DYRK1A: variants seen among roughly 807,000 people sequenced by gnomAD.
DYRK1A encodes the protein dual specificity tyrosine-phosphorylation-regulated kinase 1A.
DYRK1A carries 9 observed loss-of-function variants against 79.7 expected under a neutral mutation model. The observed-to-expected ratio is 0.11, with a 90% CI of 0.07 to 0.20. The LOEUF (loss-of-function observed/expected upper bound fraction) is 0.20, where lower values mean the gene tolerates loss of function less well. DYRK1A is among the 10% of genes least tolerant of loss of function. DYRK1A has a pLI of 1.00. For missense variants in DYRK1A, 622 were observed against 956.0 expected (o/e 0.65, Z 4.61); for synonymous variants, 349 against 329.7 (o/e 1.06, Z -0.63).
At chr21:37,422,370 A>G (rs1051562981) in intron 2 of DYRK1A, among the ~76,000 whole-genome samples, 4 of 152,190 alleles carry the variant, frequency 2.6e-5, no homozygotes, top group African/African-American at 4.8e-5. Context: ...CTATGCACAC[A>G]TTTATTCGAC....
At position 37,524,383 on chromosome 21, in the gene DYRK1A, A is replaced by G. The variant is rs963592764; in HGVS notation, c.*11852A>G. On this transcript the variant is annotated 3_prime_UTR_variant, in exon 12 of 12. Transcript: ENST00000647188. ...AAAATTAGAAAATTTAAAATTGAAT[A>G]TCTCATCACAGAATTTATTCACAAA... 6.6e-5 allele frequency: 10 copies of G among 152,378 alleles called. No homozygotes were observed. Among genetic ancestry groups the G allele is most frequent in the Middle Eastern group, 3.4e-3 (1 of 294 alleles). The allele number at this position is 152,378 out of a possible 1,614,324, so 9.4% of individuals were successfully genotyped here. A position where few individuals can be genotyped will look rare whatever the true frequency, so the allele number is the denominator to read the frequency against.
chr21:37,427,811 A>G (rs955771772), intron 2 of DYRK1A, among the ~76,000 whole-genome samples: 5 of 152,236 alleles, frequency 3.3e-5, no homozygotes, highest in African/African-American at 9.6e-5. Flanking sequence ...TAGACAAAAC[A>G]TAACTCAATA....
intron 2 of DYRK1A, among the ~76,000 whole-genome samples, chr21:37,452,379 G>A (rs186544760): frequency 1.3e-5 from 2 of 152,048 alleles, no homozygotes; most frequent in African/African-American, 4.8e-5. Flanking sequence ...TGGGGAGGTG[G>A]AAGTAAGAGA....
In DYRK1A at chr21:37,472,769, A is replaced by G. The variant is rs201180170; in HGVS notation, c.96A>G (p.Gly32=). 5 of 1,613,278 alleles carry G rather than the reference A, an allele frequency of 3.1e-6. No homozygotes were observed. The highest frequency in any genetic ancestry group is 2.5e-6 in the Non-Finnish European group (3 of 1,179,374). The part of the protein sequence containing the change: ...SFHAAGLQMA[G]QMPHSHQYSD... ...ATGCTGCTGGCCTTCAGATGGCTGGACAGATGCCCCATTCACATCAGTACA... is the reference window on the plus strand; with the variant it reads ...ATGCTGCTGGCCTTCAGATGGCTGGGCAGATGCCCCATTCACATCAGTACA... Residue 32 remains glycine (G), a synonymous_variant, in exon 3 of 12, where the codon GGA becomes GGG. Coordinates refer to ENST00000647188, the MANE Select transcript of DYRK1A (RefSeq NM_001347721.2).
At chr21:37,368,625 G>A (rs1476601670) in intron 1 of DYRK1A, among the ~76,000 whole-genome samples, 2 of 152,256 alleles carry the variant, frequency 1.3e-5, no homozygotes, top group South Asian at 2.1e-4. Context: ...TCTGTTTTTA[G>A]GGTTTTCAGT....
At chr21:37,406,046 T>C (rs1186603208) in intron 1 of DYRK1A, among the ~76,000 whole-genome samples, 8 of 152,172 alleles carry the variant, frequency 5.3e-5, no homozygotes, top group African/African-American at 1.9e-4. Flanking sequence ...TACATATATT[T>C]ATTTCTTAAA....
chr21:37,516,791 A>G lies in DYRK1A; in HGVS notation c.*4260A>G, dbSNP rs952556784. The G allele has an allele frequency of 2.6e-5, 4 of 152,000 alleles. No homozygotes were observed. The highest frequency in any genetic ancestry group is 7.2e-5 in the African/African-American group (3 of 41,390). 9.4% of individuals were successfully genotyped at this position (152,000 alleles called of 1,614,324 possible). ...TCAGAACTTTAAAAAAAATAACACT[A>G]CCTTAACACTGAGACTGTCAGGTAT... On this transcript the variant is annotated 3_prime_UTR_variant, in exon 12 of 12. Transcript: ENST00000647188.
intron 3 of DYRK1A, 134 bp downstream of exon 3, chr21:37,473,014 C>G: frequency 3.0e-6 from 2 of 661,382 alleles, no homozygotes; most frequent in Non-Finnish European, 4.4e-6. Flanking sequence ...ATTGGGAAAA[C>G]ATGTTAAGAA....
intron 1 of DYRK1A, among the ~76,000 whole-genome samples, chr21:37,407,159 A>G (rs535031962): frequency 2.6e-5 from 4 of 152,286 alleles, no homozygotes; most frequent in African/African-American, 4.8e-5. Context: ...TGGGAGTACA[A>G]CTGTTTCGGA....
chr21:37,430,348 C>G (rs74706839), intron 2 of DYRK1A: 4 of 984,526 alleles, frequency 4.1e-6, no homozygotes, highest in Non-Finnish European at 4.8e-6. Context: ...AGATGTGATA[C>G]TGTGTCACTG....
At chr21:37,472,382 G>C (rs2052254598) in intron 2 of DYRK1A, among the ~76,000 whole-genome samples, 1 of 152,120 alleles carries the variant, frequency 6.6e-6, no homozygotes, top group Non-Finnish European at 1.5e-5. Context: ...TTGTATTATG[G>C]TTCTTAATTT....
At position 37,478,257 on chromosome 21, in the gene DYRK1A, A is replaced by G. The variant is rs2052472305; in HGVS notation, c.257A>G (p.Lys86Arg). 6.2e-7 allele frequency: 1 copy of G among 1,614,016 alleles called. No homozygotes were observed. Among genetic ancestry groups the G allele is most frequent in the Admixed American group, 1.7e-5 (1 of 60,008 alleles). Residue 86 changes from lysine (K) to arginine (R), a missense_variant, in exon 4 of 12, where the codon AAA (lysine) becomes AGA (arginine). By Grantham distance (26) the Lys-to-Arg change is conservative. Coordinates refer to ENST00000647188, the MANE Select transcript of DYRK1A (RefSeq NM_001347721.2). ...GACCCAGCAACTGCTCCCCTGAGAA[A>G]ACTTTCTGTTGACTTGATCAAAACA... ...FRDPATAPLR[K>R]LSVDLIKTYK...
chr21:37,474,904 T>C (rs2052345561), intron 3 of DYRK1A, among the ~76,000 whole-genome samples: 1 of 152,196 alleles, frequency 6.6e-6, no homozygotes, highest in Non-Finnish European at 1.5e-5. Flanking sequence ...TTCAGCTTTA[T>C]TAATGCTCTC....
rs367673016 is a variant in DYRK1A, at chr21:37,479,612, G to GTTTTTTTTTTTTTTTTTTTTTTTTTTTT, written c.301-1020_301-1019insTTTTTTTTTTTTTTTTTTTTTTTTTTTT. On this transcript the variant is annotated intron_variant, in intron 4 of 11. Transcript: ENST00000647188. Reference sequence around the variant, plus strand: ...GTGTTTTGTTTTTGTTTTTGTTTTTGTTTTTTGTTTTTTTTTTTTTTTTTG... The same window carrying GTTTTTTTTTTTTTTTTTTTTTTTTTTTT: ...GTGTTTTGTTTTTGTTTTTGTTTTTGTTTTTTTTTTTTTTTTTTTTTTTTTTTTTTTTTTGTTTTTTTTTTTTTTTTTG... Among the ~76,000 whole-genome samples the GTTTTTTTTTTTTTTTTTTTTTTTTTTTT allele has an allele frequency of 1.3e-3, 60 of 47,176 alleles. 12 individuals carry two copies. The highest frequency in any genetic ancestry group is 1.9e-3 in the South Asian group (2 of 1,050). The allele number at this position is 47,176 out of a possible 152,430, so 30.9% of individuals were successfully genotyped here. A position where few individuals can be genotyped will look rare whatever the true frequency, so the allele number is the denominator to read the frequency against.
intron 1 of DYRK1A, among the ~76,000 whole-genome samples, chr21:37,411,980 T>C (rs994452171): frequency 2.0e-5 from 3 of 152,212 alleles, no homozygotes; most frequent in Admixed American, 2.0e-4. Context: ...GAACATGTAC[T>C]GCGATACAGA....
At chr21:37,476,521 A>G (rs1479737748) in intron 3 of DYRK1A, among the ~76,000 whole-genome samples, 1 of 152,212 alleles carries the variant, frequency 6.6e-6, no homozygotes, top group Non-Finnish European at 1.5e-5. Flanking sequence ...AAAGGGGCTT[A>G]CTGAATAAAC....
Position 37,420,393 on chromosome 21 carries a change from A to G in DYRK1A, c.10+9A>G, listed in dbSNP as rs1555960038. On this transcript the variant is annotated intron_variant, in intron 2 of 11. Coordinates refer to ENST00000647188, the MANE Select transcript of DYRK1A (RefSeq NM_001347721.2). ...GAAGACGATGCATACAGGTGACTCA[A>G]GTTTTGAAATACAGTAAAACTCTGG... The G allele has an allele frequency of 7.4e-6, 12 of 1,612,104 alleles. No individual in the cohort carries two copies. The Admixed American group carries it at 1.3e-4, about 18-fold the overall frequency.
intron 11 of DYRK1A, among the ~76,000 whole-genome samples, chr21:37,508,938 G>A (rs2053675081): frequency 6.6e-6 from 1 of 152,040 alleles, no homozygotes; most frequent in Non-Finnish European, 1.5e-5. Context: ...CTTTCTTCCA[G>A]ATCTATTCCA....
chr21:37,470,412 A>G (rs1269291292), intron 2 of DYRK1A, among the ~76,000 whole-genome samples: 5 of 152,242 alleles, frequency 3.3e-5, no homozygotes, highest in African/African-American at 1.2e-4. Context: ...TAATAAAAAC[A>G]GAAGCTAACA....
Sources: gnomAD v4.1 joint callset for allele counts (sites outside exome capture counted in the v4.1 genomes callset) on GRCh38, gnomAD v4.1.1 for gene constraint, MANE v1.5 for transcripts, NCBI Gene and HGNC (gene_info 2026-07-23, HGNC 2026-07-21) for gene names.